ARHGEF18: variants seen among roughly 807,000 people sequenced by gnomAD.
ARHGEF18 encodes the protein Rho/Rac guanine nucleotide exchange factor 18.
Under a neutral mutation model 155.7 loss-of-function variants are expected in ARHGEF18, and 93 were observed. The ratio of observed to expected loss-of-function variants is 0.60; its 90% CI spans 0.50 to 0.71. The LOEUF is 0.71. ARHGEF18 is among the 30% of genes least tolerant of loss of function. The pLI, the probability that ARHGEF18 is intolerant of heterozygous loss-of-function variation, is 0.00. For synonymous variants in ARHGEF18, 742 were observed against 753.1 expected (o/e 0.99, Z 0.24); for missense variants, 1,593 against 1,816.1 (o/e 0.88, Z 2.23).
intron 10 of ARHGEF18, among the ~76,000 whole-genome samples, chr19:7,387,845 A>G (rs1600259989): frequency 6.6e-6 from 1 of 151,790 alleles, no homozygotes; most frequent in Non-Finnish European, 1.5e-5. Context: ...AATTTTTTTT[A>G]GTAGAGACGG....
intron 10 of ARHGEF18, among the ~76,000 whole-genome samples, chr19:7,432,882 G>A (rs902617841): frequency 5.9e-5 from 9 of 152,200 alleles, no homozygotes; most frequent in African/African-American, 1.9e-4. Context: ...TATCAGGTCC[G>A]GGTACACTGG....
At chr19:7,421,726 C>T (rs1268361920) in intron 10 of ARHGEF18, among the ~76,000 whole-genome samples, 1 of 152,122 alleles carries the variant, frequency 6.6e-6, no homozygotes, top group Non-Finnish European at 1.5e-5. Context: ...GGTGCCACTG[C>T]ACTCCAGACT....
chr19:7,463,735 G>A lies in ARHGEF18; in HGVS notation c.2636-83G>A, dbSNP rs528400324. On this transcript the variant is annotated intron_variant, in intron 21 of 28. Transcript: ENST00000668164. This position sits in a 1 kb window ranked among gnomAD's most constrained non-coding sequence, Gnocchi z 5.2. ...CCCCAGTGAGTCCCTCCGTCCACCC[G>A]GGTCTCGCTGCCCCAGCGCTCCGTA... is the stretch of plus-strand genomic sequence containing the variant. The A allele has an allele frequency of 3.7e-5, 54 of 1,454,476 alleles. No homozygotes were observed. The highest frequency in any genetic ancestry group is 5.0e-5 in the East Asian group (2 of 39,800). The allele number at this position is 1,454,476 out of a possible 1,614,324, so 90.1% of individuals were successfully genotyped here.
At chr19:7,405,065 C>A (rs1347120067) in intron 10 of ARHGEF18, among the ~76,000 whole-genome samples, 1 of 152,076 alleles carries the variant, frequency 6.6e-6, no homozygotes, top group African/African-American at 2.4e-5. Flanking sequence ...TTAAGAGATT[C>A]TCCTGCCTCA....
chr19:7,468,959 C>T lies in ARHGEF18; in HGVS notation c.3615C>T (p.Thr1205=), dbSNP rs571159873. ...PEVARRDSAP[T]ENRLAKSDVP... ...TGGCTCGCCGGGACAGCGCCCCCAC[C>T]GAGAACCGGCTGGCCAAGAGCGATG... Residue 1205 remains threonine, a synonymous_variant, in exon 27 of 29, where the codon ACC becomes ACT. Coordinates refer to ENST00000668164, the MANE Select transcript of ARHGEF18 (RefSeq NM_001367823.1). 33 of 1,585,208 alleles carry T rather than the reference C, an allele frequency of 2.1e-5. No homozygotes were observed. The highest frequency in any genetic ancestry group is 2.5e-5 in the Non-Finnish European group (29 of 1,167,236).
In ARHGEF18 at chr19:7,349,885, C is replaced by T. The variant is rs185499729; in HGVS notation, c.-111+644C>T. Among the ~76,000 whole-genome samples the T allele has an allele frequency of 2.0e-5, 3 of 152,206 alleles. No homozygotes were observed. The East Asian group carries it at 5.8e-4, about 29-fold the overall frequency. The stretch of plus-strand genomic sequence containing the variant: ...CCTTTGCATCTTAAACTGCAGATTC[C>T]GGGCCCCCCAAGAACCTCCCTGTTG... On this transcript the variant is annotated intron_variant, in intron 1 of 28. Transcript: ENST00000668164.
rs1279603562 is a variant in ARHGEF18, at chr19:7,395,378, TCTC to T, written c.967+12177_967+12179del. 1.8e-5 allele frequency: 17 copies of T among 922,518 alleles called. No individual in the cohort carries two copies. The highest frequency in any genetic ancestry group is 2.2e-5 in the Non-Finnish European group (17 of 772,798). 57.1% of individuals were successfully genotyped at this position (922,518 alleles called of 1,614,324 possible). A position where few individuals can be genotyped will look rare whatever the true frequency, so the allele number is the denominator to read the frequency against. On this transcript the variant is annotated intron_variant, in intron 10 of 28. Transcript: ENST00000668164. This position sits in a 1 kb window ranked among gnomAD's most constrained non-coding sequence, Gnocchi z 5.0. ...GCCTCCCGCCGGCTCCTGGGGGACT[TCTC>T]CAGGCAGGCGAACGGGTGCTGGGGT...
At position 7,395,154 on chromosome 19, in the gene ARHGEF18, T is replaced by G; in HGVS notation, c.967+11951T>G. Reference sequence around the variant, plus strand: ...CTTCCGGCTCCCAGCTGCTAGCTACTGTGGATCTGGGGGGGCCGGACGGAG... The same window carrying G: ...CTTCCGGCTCCCAGCTGCTAGCTACGGTGGATCTGGGGGGGCCGGACGGAG... On this transcript the variant is annotated intron_variant, in intron 10 of 28. Transcript: ENST00000668164. This position sits in a 1 kb window ranked among gnomAD's most constrained non-coding sequence, Gnocchi z 5.0. 1 of 985,742 alleles carries G rather than the reference T, an allele frequency of 1.0e-6. No individual in the cohort carries two copies. Among genetic ancestry groups the G allele is most frequent in the Non-Finnish European group, 1.2e-6 (1 of 830,178 alleles). The allele number at this position is 985,742 out of a possible 1,614,324, so 61.1% of individuals were successfully genotyped here.
At chr19:7,476,881 A>G, downstream of ARHGEF18, 1 of 320,620 alleles carries the variant, frequency 3.1e-6, no homozygotes, top group Non-Finnish European at 5.7e-6. Flanking sequence ...AGGCGCCAGC[A>G]CCACAATGTT....
chr19:7,453,861 G>A (rs1466638124), intron 17 of ARHGEF18, 146 bp downstream of exon 17: 1 of 1,145,488 alleles, frequency 8.7e-7, no homozygotes, highest in Admixed American at 3.2e-5. Context: ...ATCTTGGATT[G>A]GTGGGTACTC....
chr19:7,464,088 A>C, intron 22 of ARHGEF18, 133 bp downstream of exon 22: 1 of 1,290,958 alleles, frequency 7.7e-7, no homozygotes, highest in African/African-American at 1.5e-5. Flanking sequence ...CCCAGGCTGG[A>C]GTGCAGTGGC....
At chr19:7,478,672 C>T in the ARHGEF18 span, among the ~76,000 whole-genome samples, 1 of 152,238 alleles carries the variant, frequency 6.6e-6, no homozygotes, top group African/African-American at 2.4e-5. Context: ...CATCAAGCCC[C>T]GTGAGGTGTT....
chr19:7,427,301 G>C (rs940472087), intron 10 of ARHGEF18, among the ~76,000 whole-genome samples: 5 of 152,176 alleles, frequency 3.3e-5, no homozygotes, highest in African/African-American at 1.2e-4. Context: ...TACCCTGGAG[G>C]GGGGATGTCT....
intron 3 of ARHGEF18, among the ~76,000 whole-genome samples, chr19:7,373,849 A>ATTTTTTT (rs57703407): frequency 8.2e-6 from 1 of 122,052 alleles, no homozygotes; most frequent in African/African-American, 3.3e-5. Context: ...TCCTATGAGA[A>ATTTTTTT]TTTTTTTTTT....
In ARHGEF18 at chr19:7,440,071, C is replaced by G. The variant is rs531485198; in HGVS notation, c.968-273C>G. ...AAAAACGGCGCAGCCCAGCCTGGCG[C>G]CGCGCCGGGTCCCGGAGCCCCGGGC... is the stretch of plus-strand genomic sequence containing the variant. On this transcript the variant is annotated intron_variant, in intron 10 of 28. Transcript: ENST00000668164. The surrounding 1 kb of genome is among the most constrained non-coding windows in gnomAD (Gnocchi z 5.4). 699 of 1,550,512 alleles carry G rather than the reference C, an allele frequency of 4.5e-4. 6 individuals carry two copies. In the African/African-American group the frequency reaches 8.8e-3, roughly 20 times the overall value.
intron 10 of ARHGEF18, among the ~76,000 whole-genome samples, chr19:7,417,714 A>G (rs1319516873): frequency 1.3e-5 from 2 of 152,132 alleles, no homozygotes; most frequent in African/African-American, 2.4e-5. Flanking sequence ...ATAAAATGAA[A>G]AAGAAGATGG....
In ARHGEF18 at chr19:7,379,076, C is replaced by A. The variant is rs946215229; in HGVS notation, c.600-46C>A. 1.1e-5 allele frequency: 14 copies of A among 1,229,908 alleles called. No individual in the cohort carries two copies. In the African/African-American group the frequency reaches 2.0e-4, roughly 18 times the overall value. 76.2% of individuals were successfully genotyped at this position (1,229,908 alleles called of 1,614,324 possible). A position where few individuals can be genotyped will look rare whatever the true frequency, so the allele number is the denominator to read the frequency against. ...CTTATCTAGGGGAGAGTGTCTGTAA[C>A]CTGGAGCTACCATGGGCTGTTCTAA... is the stretch of plus-strand genomic sequence containing the variant. On this transcript the variant is annotated intron_variant, in intron 6 of 28. Coordinates refer to ENST00000668164, the MANE Select transcript of ARHGEF18 (RefSeq NM_001367823.1).
At chr19:7,384,432 C>G (rs1028065566) in intron 10 of ARHGEF18, among the ~76,000 whole-genome samples, 2 of 152,230 alleles carry the variant, frequency 1.3e-5, no homozygotes, top group African/African-American at 4.8e-5. Flanking sequence ...TCTCCACCCC[C>G]GGGGCAAGTG....
At chr19:7,421,616 G>T (rs967983084) in intron 10 of ARHGEF18, among the ~76,000 whole-genome samples, 3 of 152,060 alleles carry the variant, frequency 2.0e-5, no homozygotes, top group Admixed American at 6.6e-5. Context: ...ACAAAAATTA[G>T]CCAGGCATGG....
Sources: gnomAD v4.1 joint callset for allele counts (sites outside exome capture counted in the v4.1 genomes callset) on GRCh38, gnomAD v4.1.1 for gene constraint, Gnocchi (gnomAD v3.1) non-coding constraint, MANE v1.5 for transcripts, NCBI Gene and HGNC (gene_info 2026-07-23, HGNC 2026-07-21) for gene names.